Variants in SRSF1 observed in about 807,000 individuals in gnomAD.
SRSF1 encodes serine/arginine-rich splicing factor 1.
A neutral mutation model predicts 25.9 loss-of-function variants in SRSF1; 1 was observed. The observed-to-expected ratio is 0.04, with a 90% CI of 0.01 to 0.18. The LOEUF (loss-of-function observed/expected upper bound fraction) is 0.18, where lower values mean the gene tolerates loss of function less well. Ranked by LOEUF, SRSF1 falls within the 10% of genes least tolerant of loss-of-function variation. The pLI is 1.00. For missense variants in SRSF1, 65 were observed against 350.5 expected (o/e 0.19, Z 6.50); for synonymous variants, 132 against 126.2 (o/e 1.05, Z -0.31).
intron 1 of SRSF1, 110 bp downstream of exon 1, chr17:58,006,834 C>T: frequency 1.5e-6 from 2 of 1,346,820 alleles, no homozygotes; most frequent in Non-Finnish European, 2.1e-6. Flanking sequence ...CAGTCTCGCC[C>T]CAACCTCTCT....
rs981161647 is a variant in SRSF1 at position 58,003,017 on chromosome 17, C to CA, written c.*2388dup. ...ACAGAGCGAGACTCTGTCTCAAAAACAAAAAACAGTTCTAATACATCTGTG... is the reference window on the plus strand; with the variant it reads ...ACAGAGCGAGACTCTGTCTCAAAAACAAAAAAACAGTTCTAATACATCTGTG... On this transcript the variant is annotated 3_prime_UTR_variant, in exon 4 of 4. Transcript: ENST00000258962. Among the ~76,000 whole-genome samples the CA allele has an allele frequency of 2.6e-5, 4 of 152,042 alleles. No homozygotes were observed. The South Asian group carries it at 6.2e-4, about 24-fold the overall frequency.
the SRSF1 span, chr17:57,989,645 T>G: frequency 5.0e-6 from 2 of 398,518 alleles, no homozygotes; most frequent in African/African-American, 4.1e-5. Context: ...CTCCCCTCAG[T>G]CACCAGAATG....
chr17:57,999,387 G>A (rs2075376958), downstream of SRSF1, among the ~76,000 whole-genome samples: 1 of 152,122 alleles, frequency 6.6e-6, no homozygotes, highest in Non-Finnish European at 1.5e-5. Context: ...TACAAGGTAG[G>A]CAGAAAAACA....
chr17:57,990,301 AAG>A, the SRSF1 span: 2 of 152,264 alleles, frequency 1.3e-5, no homozygotes, highest in Non-Finnish European at 2.9e-5. Flanking sequence ...CTGAAAAGCT[AAG>A]ATTCAGAAGA....
At chr17:58,006,077 GTACT>G (rs1042336210) in intron 2 of SRSF1, 104 bp from the exon 3 acceptor site, 1 of 1,092,982 alleles carries the variant, frequency 9.1e-7, no homozygotes, top group Admixed American at 2.7e-5. Context: ...CTTAATAGGT[GTACT>G]TAAGTGATAC....
At chr17:57,994,157 T>C in the SRSF1 span, 1 of 152,244 alleles carries the variant, frequency 6.6e-6, no homozygotes, top group African/African-American at 2.4e-5. Flanking sequence ...GGCCAATTTA[T>C]TTATAATATG....
intron 1 of SRSF1, 124 bp from the exon 2 acceptor site, chr17:58,006,651 T>C: frequency 1.7e-6 from 2 of 1,186,966 alleles, no homozygotes; most frequent in Non-Finnish European, 2.3e-6. Flanking sequence ...CGCCGCATAA[T>C]AGGAATGGCC....
the SRSF1 span, among the ~76,000 whole-genome samples, chr17:57,995,194 A>G: frequency 6.6e-6 from 1 of 152,248 alleles, no homozygotes; most frequent in Admixed American, 6.5e-5. Context: ...ATTGGCTTTT[A>G]AAACTTAAAA....
chr17:57,997,717 C>T (rs2075370408), downstream of SRSF1, among the ~76,000 whole-genome samples: 1 of 152,156 alleles, frequency 6.6e-6, no homozygotes, highest in Non-Finnish European at 1.5e-5. Flanking sequence ...CAAATCCAAA[C>T]AGCATCTTGA....
downstream of SRSF1, among the ~76,000 whole-genome samples, chr17:58,000,644 A>G (rs369608505): frequency 2.2e-4 from 33 of 152,332 alleles, no homozygotes; most frequent in African/African-American, 7.5e-4. Context: ...AATTCAATCA[A>G]CAAAGGATTC....
the SRSF1 span, chr17:57,991,265 A>AT: frequency 6.6e-6 from 1 of 152,226 alleles, no homozygotes; most frequent in Non-Finnish European, 1.5e-5. Context: ...GCAACAGGAT[A>AT]TTTCCTTCCT....
Position 58,002,098 on chromosome 17 carries a change from CTGA to C in SRSF1, c.*3305_*3307del, listed in dbSNP as rs10553501. Among the ~76,000 whole-genome samples, 1,172 of 152,242 alleles carry C rather than the reference CTGA, an allele frequency of 7.7e-3. 12 individuals are homozygous for C. The highest frequency in any genetic ancestry group is 0.027 in the African/African-American group (1,109 of 41,552). On this transcript the variant is annotated 3_prime_UTR_variant, in exon 4 of 4. Coordinates refer to ENST00000258962, the MANE Select transcript of SRSF1 (RefSeq NM_006924.5). ...AATCATTTATTTTCCCTTTAATAAT[CTGA>C]TGAATTTTTAAAATGTTCTACACAT...
At chr17:57,996,429 AG>A (rs2075364877), downstream of SRSF1, among the ~76,000 whole-genome samples, 1 of 143,078 alleles carries the variant, frequency 7.0e-6, no homozygotes, top group Non-Finnish European at 1.5e-5. Context: ...GGTTGCAGTG[AG>A]CCGAGACTGC....
chr17:58,000,548 C>G (rs1221790776), downstream of SRSF1, among the ~76,000 whole-genome samples: 4 of 152,056 alleles, frequency 2.6e-5, no homozygotes, highest in Non-Finnish European at 5.9e-5. Flanking sequence ...ATTGTTGAGT[C>G]CACTATTACA....
In SRSF1 at chr17:58,007,125, C is replaced by T. The variant is rs771947621; in HGVS notation, c.13G>A (p.Gly5Ser). 6.2e-7 allele frequency: 1 copy of T among 1,614,112 alleles called. No individual in the cohort carries two copies. Among genetic ancestry groups the T allele is most frequent in the South Asian group, 1.1e-5 (1 of 91,088 alleles). Residue 5 changes from glycine (G) to serine (S), a missense_variant, in exon 1 of 4, where the codon GGT becomes AGT. By Grantham distance (56) the Gly-to-Ser change is moderately conservative (BLOSUM62 0). Transcript: ENST00000258962. Reference sequence around the variant, plus strand: ...TTCCCTGCGGGGCCACGAATCACACCACCTCCCGACATGGCGGTGACGAAA... The same window carrying T: ...TTCCCTGCGGGGCCACGAATCACACTACCTCCCGACATGGCGGTGACGAAA... MSGGGVIRGPAGNND... is the reference protein window; with the variant it reads MSGGSVIRGPAGNND...
chr17:58,000,833 A>G (rs527485897), downstream of SRSF1, among the ~76,000 whole-genome samples: 1 of 152,306 alleles, frequency 6.6e-6, no homozygotes, highest in South Asian at 2.1e-4. Context: ...TAAAACCCTC[A>G]GCAAAGTCTG....
At position 58,002,365 on chromosome 17, in the gene SRSF1, T is replaced by G. The variant is rs1433342064; in HGVS notation, c.*3041A>C. Among the ~76,000 whole-genome samples, 1 of 152,206 alleles carries G rather than the reference T, an allele frequency of 6.6e-6. No homozygotes were observed. The highest frequency in any genetic ancestry group is 1.9e-4 in the East Asian group (1 of 5,206). Reference sequence around the variant, plus strand: ...ACACATTTCTTCCACTACCAAGATTTCTGGTTTTCCTTAGGTTTTTAATTG... The same window carrying G: ...ACACATTTCTTCCACTACCAAGATTGCTGGTTTTCCTTAGGTTTTTAATTG... On this transcript the variant is annotated 3_prime_UTR_variant, in exon 4 of 4. Coordinates refer to ENST00000258962, the MANE Select transcript of SRSF1 (RefSeq NM_006924.5).
At chr17:57,998,067 T>C (rs896422159), downstream of SRSF1, among the ~76,000 whole-genome samples, 1 of 151,870 alleles carries the variant, frequency 6.6e-6, no homozygotes, top group African/African-American at 2.4e-5. Context: ...AATACAAAAA[T>C]TAGCCAGGTG....
At position 58,004,228 on chromosome 17, in the gene SRSF1, GATA is replaced by G. The variant is rs2143476488; in HGVS notation, c.*1175_*1177del. On this transcript the variant is annotated 3_prime_UTR_variant, in exon 4 of 4. Transcript: ENST00000258962. ...AGCATTTTGTATTTACAGTTCAACT[GATA>G]ATGCCAACACTTGTTACTGTACAGC... is the stretch of plus-strand genomic sequence containing the variant. 6.5e-6 allele frequency: 1 copy of G among 152,718 alleles called. No homozygotes were observed. The highest frequency in any genetic ancestry group is 1.5e-5 in the Non-Finnish European group (1 of 68,022). 9.5% of individuals were successfully genotyped at this position (152,718 alleles called of 1,614,324 possible).
Sources: gnomAD v4.1 joint callset for allele counts (sites outside exome capture counted in the v4.1 genomes callset) on GRCh38, gnomAD v4.1.1 for gene constraint, MANE v1.5 for transcripts, NCBI Gene and HGNC (gene_info 2026-07-23, HGNC 2026-07-21) for gene names.